Variants in SCTR observed in about 807,000 individuals in gnomAD.
The protein encoded by SCTR is pancreatic secretin receptor.
A neutral mutation model predicts 60.8 loss-of-function variants in SCTR; 56 were observed. That is an observed-to-expected ratio of 0.92 (90% confidence interval 0.74 to 1.15). The LOEUF (loss-of-function observed/expected upper bound fraction) is 1.15, where lower values mean the gene tolerates loss of function less well. SCTR is among the 50% of genes most tolerant of loss of function. The pLI is 0.00. For synonymous variants in SCTR, 202 were observed against 217.0 expected (o/e 0.93, Z 0.61); for missense variants, 562 against 550.4 (o/e 1.02, Z -0.21).
At chr2:119,442,081 G>A (rs1255643234) in intron 11 of SCTR, among the ~76,000 whole-genome samples, 5 of 152,348 alleles carry the variant, frequency 3.3e-5, no homozygotes, top group Admixed American at 2.6e-4. Context: ...AACAAACTAT[G>A]TACAGGTCCC....
rs1251025366 is a variant in SCTR at position 119,474,327 on chromosome 2, G to A, written c.302-771C>T. On this transcript the variant is annotated intron_variant, in intron 3 of 12. Coordinates refer to ENST00000019103, the MANE Select transcript of SCTR (RefSeq NM_002980.3). Reference sequence around the variant, plus strand: ...AGCCTGCCCTGAACTCTTCTCATAGGGAAGAGGAGAGCACTTCCCCACTGG... The same window carrying A: ...AGCCTGCCCTGAACTCTTCTCATAGAGAAGAGGAGAGCACTTCCCCACTGG... Among the ~76,000 whole-genome samples the A allele has an allele frequency of 2.6e-5, 4 of 152,320 alleles. No individual in the cohort carries two copies. The South Asian group carries it at 6.2e-4, about 24-fold the overall frequency.
chr2:119,452,463 G>A (rs1683210732), intron 8 of SCTR, among the ~76,000 whole-genome samples: 1 of 152,166 alleles, frequency 6.6e-6, no homozygotes, highest in Non-Finnish European at 1.5e-5. Flanking sequence ...CATCAGGCCT[G>A]GAGGGTACTG....
At chr2:119,489,399 C>T (rs1678027980) in intron 2 of SCTR, among the ~76,000 whole-genome samples, 1 of 152,154 alleles carries the variant, frequency 6.6e-6, no homozygotes, top group African/African-American at 2.4e-5. Context: ...CCCTCATTCA[C>T]TCAGTAAGTC....
At chr2:119,505,247 G>A (rs995944048) in intron 1 of SCTR, among the ~76,000 whole-genome samples, 6 of 142,406 alleles carry the variant, frequency 4.2e-5, no homozygotes, top group Non-Finnish European at 7.6e-5. Flanking sequence ...TTATTGCAGC[G>A]CTATTCACAA....
chr2:119,519,807 TC>T (rs1679229126), intron 1 of SCTR, among the ~76,000 whole-genome samples: 1 of 63,554 alleles, frequency 1.6e-5, no homozygotes, highest in Non-Finnish European at 2.8e-5. Flanking sequence ...TGAGACTCTG[TC>T]TCAAAAAAAA....
intron 2 of SCTR, among the ~76,000 whole-genome samples, chr2:119,492,402 G>C (rs1420963912): frequency 6.6e-6 from 1 of 152,202 alleles, no homozygotes; most frequent in Non-Finnish European, 1.5e-5. Context: ...TGCTAAATAA[G>C]CATTCTTTGA....
Position 119,441,576 on chromosome 2 carries a change from G to T in SCTR, c.1164C>A (p.Tyr388Ter). 6.2e-7 allele frequency: 1 copy of T among 1,613,150 alleles called. No homozygotes were observed. Among genetic ancestry groups the T allele is most frequent in the Non-Finnish European group, 8.5e-7 (1 of 1,179,466 alleles). Residue 388 changes from tyrosine to a stop codon, truncating the protein, a stop_gained, in exon 12 of 13, where the codon TAC becomes TAA. Coordinates refer to ENST00000019103, the MANE Select transcript of SCTR (RefSeq NM_002980.3). LOFTEE classifies it high-confidence loss of function. ...TACTCACCTCCCCATTGAGGAAGCA[G>T]TAGAGGACGGCCACCACCAGTCCCT... ...SFQGLVVAVL[Y>*]CFLNGEVQLE...
intron 2 of SCTR, among the ~76,000 whole-genome samples, chr2:119,491,090 A>G (rs905904390): frequency 2.6e-5 from 4 of 152,168 alleles, no homozygotes; most frequent in African/African-American, 7.2e-5. Context: ...AAACAATGAC[A>G]TCGTATCCAG....
At chr2:119,456,234 T>C (rs1328545153) in intron 7 of SCTR, among the ~76,000 whole-genome samples, 1 of 152,040 alleles carries the variant, frequency 6.6e-6, no homozygotes, top group East Asian at 1.9e-4. Flanking sequence ...CTAATTTTTG[T>C]ATTTTAGTAG....
intron 1 of SCTR, among the ~76,000 whole-genome samples, chr2:119,508,812 T>C (rs1678844822): frequency 6.6e-6 from 1 of 152,242 alleles, no homozygotes; most frequent in Admixed American, 6.5e-5. Context: ...ATTATTTCAC[T>C]TTTGTGTGTG....
chr2:119,442,714 C>A (rs1425566349), intron 11 of SCTR, among the ~76,000 whole-genome samples: 1 of 152,140 alleles, frequency 6.6e-6, no homozygotes, highest in African/African-American at 2.4e-5. Context: ...CCAAGTATTG[C>A]TGCACATTAG....
intron 3 of SCTR, 54 bp downstream of exon 3, chr2:119,478,757 C>A: frequency 6.3e-7 from 1 of 1,579,638 alleles, no homozygotes; most frequent in Non-Finnish European, 8.7e-7. Context: ...TGAGGCCCCA[C>A]CCAGAGGGAC....
At chr2:119,485,015 C>T (rs1235442412) in intron 2 of SCTR, among the ~76,000 whole-genome samples, 1 of 152,166 alleles carries the variant, frequency 6.6e-6, no homozygotes, top group African/African-American at 2.4e-5. Context: ...TTGCCGAGCC[C>T]ATGCCTCCCG....
chr2:119,470,723 C>A (rs369128326), intron 4 of SCTR, among the ~76,000 whole-genome samples: 15 of 152,128 alleles, frequency 9.9e-5, no homozygotes, highest in African/African-American at 3.6e-4. Context: ...ATTTTGGGGG[C>A]AGAGTCTCGC....
intron 3 of SCTR, among the ~76,000 whole-genome samples, chr2:119,474,100 T>G (rs1257747275): frequency 6.6e-6 from 1 of 152,106 alleles, no homozygotes; most frequent in Admixed American, 6.5e-5. Flanking sequence ...TCTGCATTTC[T>G]CTGCATAATA....
chr2:119,523,702 A>C (rs985986527), intron 1 of SCTR, among the ~76,000 whole-genome samples: 6 of 152,052 alleles, frequency 3.9e-5, no homozygotes, highest in Non-Finnish European at 8.8e-5. Flanking sequence ...GACTTGCAGC[A>C]AGAATTTTTA....
rs553426208 is a variant in SCTR, at chr2:119,515,596, T to A, written c.72+8559A>T. Among the ~76,000 whole-genome samples, 3 of 152,336 alleles carry A rather than the reference T, an allele frequency of 2.0e-5. No homozygotes were observed. In the South Asian group the frequency reaches 6.2e-4, roughly 32 times the overall value. Reference sequence around the variant, plus strand: ...ACTCTCTCTCTTTCTCTCTCTTTCCTGGAACTGGGACACCCTTCTCCTGTC... The same window carrying A: ...ACTCTCTCTCTTTCTCTCTCTTTCCAGGAACTGGGACACCCTTCTCCTGTC... On this transcript the variant is annotated intron_variant, in intron 1 of 12. Transcript: ENST00000019103.
chr2:119,458,465 G>A (rs779873139), intron 7 of SCTR, among the ~76,000 whole-genome samples: 56 of 152,084 alleles, frequency 3.7e-4, no homozygotes, highest in Non-Finnish European at 7.3e-4. Flanking sequence ...GCTGGGTGTG[G>A]TGGTGGGCAC....
At chr2:119,514,129 A>G (rs1256627208) in intron 1 of SCTR, among the ~76,000 whole-genome samples, 5 of 152,182 alleles carry the variant, frequency 3.3e-5, no homozygotes, top group African/African-American at 1.2e-4. Flanking sequence ...AACTTCCACC[A>G]TCTCTTTCTT....
Sources: allele counts gnomAD v4.1 joint callset (sites outside exome capture counted in the v4.1 genomes callset), GRCh38; gene constraint gnomAD v4.1.1; transcripts MANE v1.5; gene names NCBI Gene and HGNC (gene_info 2026-07-23, HGNC 2026-07-21).